The following PCDH17 variants were observed in gnomAD, a reference collection of about 807,000 sequenced individuals.
The protein encoded by PCDH17 is protocadherin-17.
A neutral mutation model predicts 67.7 loss-of-function variants in PCDH17; 21 were observed. The ratio of observed to expected loss-of-function variants is 0.31; its 90% CI spans 0.22 to 0.45. PCDH17 has a LOEUF of 0.45. Ranked by LOEUF, PCDH17 falls within the 20% of genes least tolerant of loss-of-function variation. PCDH17 has a pLI of 1.00. For synonymous variants in PCDH17, 701 were observed against 656.7 expected (o/e 1.07, Z -1.03); for missense variants, 1,471 against 1,564.8 (o/e 0.94, Z 1.01).
Position 57,635,062 on chromosome 13 carries a change from A to G in PCDH17, c.2516A>G (p.Gln839Arg), listed in dbSNP as rs745318992. 2.5e-6 allele frequency: 4 copies of G among 1,613,656 alleles called. No homozygotes were observed. Among genetic ancestry groups the G allele is most frequent in the Non-Finnish European group, 3.4e-6 (4 of 1,180,000 alleles). ...GGCTGCCACACCAGCTTCACCGGAC[A>G]AGGGACTAATGCAAGCGAGACCCCT... ...HAGCHTSFTGQGTNASETPAT... is the reference protein window; with the variant it reads ...HAGCHTSFTGRGTNASETPAT... The change falls in exon 1 of 4, where the codon CAA (glutamine) becomes CGA (arginine). Residue 839 changes from glutamine to arginine, a missense_variant. Gln to Arg is a conservative substitution (Grantham distance 43, BLOSUM62 1). Transcript: ENST00000377918.
intron 3 of PCDH17, among the ~76,000 whole-genome samples, chr13:57,673,606 T>G (rs1017179676): frequency 1.3e-5 from 2 of 151,992 alleles, no homozygotes; most frequent in African/African-American, 4.8e-5. Flanking sequence ...AGCTTATTAA[T>G]AGTAAATTTG....
intron 3 of PCDH17, among the ~76,000 whole-genome samples, chr13:57,717,437 G>A (rs923960413): frequency 1.3e-5 from 2 of 151,746 alleles, no homozygotes; most frequent in Non-Finnish European, 2.9e-5. Context: ...CAATATATAC[G>A]CCAGAAAATT....
intron 3 of PCDH17, among the ~76,000 whole-genome samples, chr13:57,674,800 C>G (rs190464109): frequency 6.6e-6 from 1 of 152,012 alleles, no homozygotes; most frequent in East Asian, 1.9e-4. Flanking sequence ...CAGAAATTTT[C>G]TCTTATTTCA....
At chr13:57,722,439 T>C (rs1682642734) in intron 3 of PCDH17, among the ~76,000 whole-genome samples, 1 of 152,200 alleles carries the variant, frequency 6.6e-6, no homozygotes, top group South Asian at 2.1e-4. Context: ...TTTCTACTTT[T>C]CCTTCTTTCT....
At chr13:57,708,564 A>G (rs1955742320) in intron 3 of PCDH17, among the ~76,000 whole-genome samples, 1 of 152,006 alleles carries the variant, frequency 6.6e-6, no homozygotes, top group Non-Finnish European at 1.5e-5. Context: ...TTGTGAGGGT[A>G]TACTTTAAAA....
chr13:57,654,064 T>C (rs1003121083), intron 1 of PCDH17, among the ~76,000 whole-genome samples: 2 of 152,152 alleles, frequency 1.3e-5, no homozygotes, highest in African/African-American at 2.4e-5. Context: ...TTAAGCATAG[T>C]GCATACATAA....
Position 57,633,283 on chromosome 13 carries a change from C to T in PCDH17, c.737C>T (p.Pro246Leu). ...SNDNSPVFEA[P>L]SYLVELPENA... ...GACAACAGCCCGGTCTTCGAGGCGC[C>T]ATCCTACTTGGTGGAACTGCCCGAG... Residue 246 changes from proline to leucine, a missense_variant, in exon 1 of 4, where the codon CCA (proline) becomes CTA (leucine). Physicochemically the swap from Pro to Leu is moderately conservative, Grantham distance 98 (BLOSUM62 -3). Coordinates refer to ENST00000377918, the MANE Select transcript of PCDH17 (RefSeq NM_001040429.3). This position sits in a 1 kb window ranked among gnomAD's most constrained non-coding sequence, Gnocchi z 6.2. The T allele has an allele frequency of 6.2e-7, 1 of 1,613,358 alleles. No homozygotes were observed. The highest frequency in any genetic ancestry group is 8.5e-7 in the Non-Finnish European group (1 of 1,180,020).
chr13:57,657,990 C>T (rs1270304234), intron 1 of PCDH17, among the ~76,000 whole-genome samples: 2 of 152,070 alleles, frequency 1.3e-5, no homozygotes, highest in East Asian at 3.8e-4. Flanking sequence ...TAGATTAATA[C>T]ACCTAGAATT....
chr13:57,641,931 T>G (rs1390239505), intron 1 of PCDH17, among the ~76,000 whole-genome samples: 1 of 151,598 alleles, frequency 6.6e-6, no homozygotes, highest in African/African-American at 2.4e-5. Flanking sequence ...ATGTAACTAA[T>G]CTACATAAAT....
intron 3 of PCDH17, among the ~76,000 whole-genome samples, chr13:57,709,980 C>T (rs1026894895): frequency 6.6e-6 from 1 of 151,864 alleles, no homozygotes; most frequent in Non-Finnish European, 1.5e-5. Context: ...AGAATCTAGT[C>T]TTACACCAGA....
At chr13:57,691,001 G>C (rs576684260) in intron 3 of PCDH17, among the ~76,000 whole-genome samples, 4 of 151,458 alleles carry the variant, frequency 2.6e-5, no homozygotes, top group African/African-American at 9.6e-5. Flanking sequence ...ACATGCATTT[G>C]AGTTAAAAAT....
At chr13:57,642,315 G>C (rs1395990609) in intron 1 of PCDH17, among the ~76,000 whole-genome samples, 1 of 151,742 alleles carries the variant, frequency 6.6e-6, no homozygotes, top group Non-Finnish European at 1.5e-5. Context: ...GAAAGCTAGA[G>C]CATGAAAATC....
chr13:57,634,958 G>A lies in PCDH17; in HGVS notation c.2412G>A (p.Leu804=). 6.2e-7 allele frequency: 1 copy of A among 1,613,890 alleles called. No individual in the cohort carries two copies. The highest frequency in any genetic ancestry group is 8.5e-7 in the Non-Finnish European group (1 of 1,179,984). ...TGTACTTCGACTACCAGACCCGCCT[G>A]CCCCTCAGCTCGCCCCGGTCGGAGG... The part of the protein sequence containing the change: ...SPMYFDYQTR[L]PLSSPRSEVM... The change falls in exon 1 of 4, where the codon CTG becomes CTA. Residue 804 remains leucine (L), a synonymous_variant. Coordinates refer to ENST00000377918, the MANE Select transcript of PCDH17 (RefSeq NM_001040429.3). This position sits in a 1 kb window ranked among gnomAD's most constrained non-coding sequence, Gnocchi z 7.8.
At chr13:57,682,056 CA>C (rs1235304475) in intron 3 of PCDH17, among the ~76,000 whole-genome samples, 2 of 151,788 alleles carry the variant, frequency 1.3e-5, no homozygotes, top group African/African-American at 4.8e-5. Context: ...GCAACAACAA[CA>C]AAAAACCCCA....
rs1955914630 is a variant in PCDH17, at chr13:57,726,096, A to T, written c.*802A>T. 1 of 152,640 alleles carries T rather than the reference A, an allele frequency of 6.6e-6. No homozygotes were observed. The highest frequency in any genetic ancestry group is 1.5e-5 in the Non-Finnish European group (1 of 68,028). The allele number at this position is 152,640 out of a possible 1,614,324, so 9.5% of individuals were successfully genotyped here. A position where few individuals can be genotyped will look rare whatever the true frequency, so the allele number is the denominator to read the frequency against. ...GTGTCCAACAAAGATTTAAACAATG[A>T]TGAATATGTTTTAAATTTGACATAG... On this transcript the variant is annotated 3_prime_UTR_variant, in exon 4 of 4. Transcript: ENST00000377918.
chr13:57,706,913 A>G (rs769456055), intron 3 of PCDH17, among the ~76,000 whole-genome samples: 4 of 152,086 alleles, frequency 2.6e-5, no homozygotes, highest in South Asian at 2.1e-4. Flanking sequence ...TGCTGCTTCC[A>G]TTTTCCTTAA....
chr13:57,650,398 G>A (rs1955021723), intron 1 of PCDH17, among the ~76,000 whole-genome samples: 1 of 151,928 alleles, frequency 6.6e-6, no homozygotes, highest in South Asian at 2.1e-4. Context: ...AATCTGTAGT[G>A]ACCCTCCAGG....
chr13:57,717,008 T>C (rs936766556), intron 3 of PCDH17, among the ~76,000 whole-genome samples: 1 of 152,032 alleles, frequency 6.6e-6, no homozygotes, highest in African/African-American at 2.4e-5. Flanking sequence ...TTGAATTGTA[T>C]TGTTTTTCCT....
intron 3 of PCDH17, among the ~76,000 whole-genome samples, chr13:57,670,248 TC>T (rs1955303271): frequency 6.6e-6 from 1 of 151,904 alleles, no homozygotes; most frequent in Non-Finnish European, 1.5e-5. Context: ...TTGAAAAACA[TC>T]ATGAGAGAAA....
Sources: allele counts gnomAD v4.1 joint callset (sites outside exome capture counted in the v4.1 genomes callset), GRCh38; gene constraint gnomAD v4.1.1; non-coding constraint Gnocchi (gnomAD v3.1); transcripts MANE v1.5; gene names NCBI Gene and HGNC (gene_info 2026-07-23, HGNC 2026-07-21).